CDH19: variants seen among roughly 807,000 people sequenced by gnomAD.
The protein encoded by CDH19 is cadherin-19.
Under a neutral mutation model 64.2 loss-of-function variants are expected in CDH19, and 67 were observed. The ratio of observed to expected loss-of-function variants is 1.04; its 90% CI spans 0.86 to 1.28. The LOEUF (loss-of-function observed/expected upper bound fraction) is 1.28. Among genes scored for constraint, CDH19 ranks in the 50% most tolerant of loss-of-function variants. The pLI is 0.00. For synonymous variants in CDH19, 346 were observed against 319.3 expected (o/e 1.08, Z -0.89); for missense variants, 1,030 against 929.0 (o/e 1.11, Z -1.41).
intron 1 of CDH19, among the ~76,000 whole-genome samples, chr18:66,589,302 G>A (rs537828363): frequency 6.6e-6 from 1 of 150,794 alleles, no homozygotes; most frequent in South Asian, 2.1e-4. Flanking sequence ...GCAACATGAA[G>A]GATTACATAT....
intron 5 of CDH19, 63 bp from the exon 6 acceptor site, chr18:66,544,966 GTTT>G: frequency 8.1e-7 from 1 of 1,241,134 alleles, no homozygotes; most frequent in South Asian, 1.7e-5. Flanking sequence ...TGCAATTATA[GTTT>G]TTTGTTTGTT....
rs1555685921 is a variant in CDH19, at chr18:66,534,986, A to C, written c.1336T>G (p.Tyr446Asp). 6.9e-7 allele frequency: 1 copy of C among 1,452,690 alleles called. No homozygotes were observed. The highest frequency in any genetic ancestry group is 9.2e-7 in the Non-Finnish European group (1 of 1,083,322). 90.0% of individuals were successfully genotyped at this position (1,452,690 alleles called of 1,614,324 possible). The part of the protein sequence containing the change: ...YNLSITATEK[Y>D]NIEQISSIPL... ...TATTGGATTTCAAATGAGTACTTAC[A>C]TTTTTCTGTGGCTGTAATACTTAGG... Residue 446 changes from tyrosine to aspartate, a missense_variant and splice_region_variant, in exon 8 of 12, where the codon TAC (tyrosine) becomes GAC (aspartate). Coordinates refer to ENST00000262150, the MANE Select transcript of CDH19 (RefSeq NM_021153.4).
intron 4 of CDH19, among the ~76,000 whole-genome samples, chr18:66,552,482 T>C (rs2144518246): frequency 7.3e-6 from 1 of 137,454 alleles, no homozygotes; most frequent in East Asian, 1.9e-4. Context: ...ACACATGTAA[T>C]CAATTATTTG....
At chr18:66,508,904 T>C in intron 11 of CDH19, 91 bp downstream of exon 11, 1 of 1,328,826 alleles carries the variant, frequency 7.5e-7, no homozygotes, top group Non-Finnish European at 1.0e-6. Context: ...TATCATGTTA[T>C]TTTAAATAAA....
intron 1 of CDH19, among the ~76,000 whole-genome samples, chr18:66,574,070 T>G (rs182457051): frequency 2.0e-5 from 3 of 151,874 alleles, no homozygotes; most frequent in African/African-American, 4.8e-5. Flanking sequence ...GTCCACACAA[T>G]GCAGTTTTTT....
chr18:66,503,647 GT>G lies in CDH19; in HGVS notation c.*1164del, dbSNP rs1290367640. ...CTATTGTATTTTGACATAAGAATGTGTTTTGAGTTGCATATGAAAAAAAATC... is the reference window on the plus strand; with the variant it reads ...CTATTGTATTTTGACATAAGAATGTGTTTGAGTTGCATATGAAAAAAAATC... On this transcript the variant is annotated 3_prime_UTR_variant, in exon 12 of 12. Coordinates refer to ENST00000262150, the MANE Select transcript of CDH19 (RefSeq NM_021153.4). The G allele has an allele frequency of 2.0e-5, 3 of 151,568 alleles. No homozygotes were observed. The highest frequency in any genetic ancestry group is 3.0e-5 in the Non-Finnish European group (2 of 67,784). 9.4% of individuals were successfully genotyped at this position (151,568 alleles called of 1,614,324 possible).
chr18:66,518,300 C>G lies in CDH19; in HGVS notation c.1459-6615G>C, dbSNP rs1481511895. ...TCAGGCTTGAGTGCAACGGTGCGAT[C>G]TCGGCTCACTACAACCTCTTCCTCC... On this transcript the variant is annotated intron_variant, in intron 9 of 11. Transcript: ENST00000262150. 2.6e-5 allele frequency among the ~76,000 whole-genome samples: 4 copies of G among 152,038 alleles called. No homozygotes were observed. The East Asian group carries it at 7.7e-4, about 29-fold the overall frequency.
intron 1 of CDH19, among the ~76,000 whole-genome samples, chr18:66,593,185 C>T (rs1186669697): frequency 6.6e-6 from 1 of 151,640 alleles, no homozygotes; most frequent in Non-Finnish European, 1.5e-5. Flanking sequence ...TACTTATTGG[C>T]CTTAGTTCAT....
chr18:66,554,091 T>C (rs1987430604), intron 4 of CDH19, among the ~76,000 whole-genome samples: 1 of 151,998 alleles, frequency 6.6e-6, no homozygotes, highest in Non-Finnish European at 1.5e-5. Flanking sequence ...TTGTTCTTTG[T>C]CAATTGCTTA....
In CDH19 at chr18:66,513,382, A is replaced by G. The variant is rs527676392; in HGVS notation, c.1459-1697T>C. On this transcript the variant is annotated intron_variant, in intron 9 of 11. Transcript: ENST00000262150. The stretch of plus-strand genomic sequence containing the variant: ...TTTAAATGATCATGTCTCCACTTAT[A>G]TTTGCTTTGTAAGTTGGGCTTCCAA... 3.4e-4 allele frequency among the ~76,000 whole-genome samples: 52 copies of G among 151,562 alleles called. No homozygotes were observed. In the South Asian group the frequency reaches 0.011, roughly 31 times the overall value.
At chr18:66,548,720 T>G (rs1338625900) in intron 5 of CDH19, among the ~76,000 whole-genome samples, 1 of 152,124 alleles carries the variant, frequency 6.6e-6, no homozygotes, top group East Asian at 1.9e-4. Context: ...ACGGAGTAAG[T>G]TCTGAGATTT....
intron 8 of CDH19, chr18:66,532,723 G>T (rs527678187): frequency 1.1e-5 from 5 of 451,930 alleles, no homozygotes; most frequent in Non-Finnish European, 2.2e-5. Flanking sequence ...CTAGATGTGG[G>T]GAAGGATAGG....
chr18:66,534,845 C>T (rs996772347), intron 8 of CDH19, 141 bp downstream of exon 8: 34 of 461,200 alleles, frequency 7.4e-5, no homozygotes, highest in South Asian at 2.4e-4. Flanking sequence ...TAATAAAATA[C>T]GCAAGTACAC....
intron 3 of CDH19, among the ~76,000 whole-genome samples, chr18:66,566,625 G>C (rs1987921456): frequency 6.6e-6 from 1 of 151,604 alleles, no homozygotes; most frequent in South Asian, 2.1e-4. Flanking sequence ...AAAAACCAGG[G>C]GTCTTCAACT....
chr18:66,557,090 C>T (rs1020890244), intron 3 of CDH19, among the ~76,000 whole-genome samples: 1 of 151,892 alleles, frequency 6.6e-6, no homozygotes, highest in African/African-American at 2.4e-5. Context: ...ATGAAATACA[C>T]CACTAGTAAA....
chr18:66,573,630 AT>A (rs1466654080), intron 1 of CDH19, among the ~76,000 whole-genome samples: 1 of 89,512 alleles, frequency 1.1e-5, no homozygotes, highest in South Asian at 4.9e-4. Flanking sequence ...CATGAAAAAG[AT>A]TTTTTTTATA....
Position 66,551,266 on chromosome 18 carries a change from A to C in CDH19, c.611-8T>G. On this transcript the variant is annotated splice_polypyrimidine_tract_variant and splice_region_variant and intron_variant, in intron 4 of 11. Transcript: ENST00000262150. ...AAGATATTCTTATGACTCCTTTAAA[A>C]ATATAATAAAATTCCAATTATTTCA... 8.0e-7 allele frequency: 1 copy of C among 1,257,602 alleles called. No homozygotes were observed. The highest frequency in any genetic ancestry group is 1.2e-6 in the Non-Finnish European group (1 of 865,890). 77.9% of individuals were successfully genotyped at this position (1,257,602 alleles called of 1,614,324 possible).
chr18:66,542,027 T>C (rs935199488), intron 7 of CDH19, among the ~76,000 whole-genome samples: 5 of 152,160 alleles, frequency 3.3e-5, no homozygotes, highest in Non-Finnish European at 7.4e-5. Flanking sequence ...CTTGTACTCC[T>C]AAAATTAACA....
chr18:66,576,622 A>T (rs74907055), intron 1 of CDH19, among the ~76,000 whole-genome samples: 2,194 of 151,756 alleles, frequency 0.014, 49 homozygotes, highest in African/African-American at 0.05. Flanking sequence ...GCCTCAAAAT[A>T]AATGAAATAC....
Sources: gnomAD v4.1 joint callset for allele counts (sites outside exome capture counted in the v4.1 genomes callset) on GRCh38, gnomAD v4.1.1 for gene constraint, MANE v1.5 for transcripts, NCBI Gene and HGNC (gene_info 2026-07-23, HGNC 2026-07-21) for gene names.